ATOH8: variants seen among roughly 807,000 people sequenced by gnomAD.
ATOH8 encodes the protein transcription factor ATOH8.
In ATOH8, 9 loss-of-function variants were observed where a neutral mutation model predicts 21.2. The ratio of observed to expected loss-of-function variants is 0.42; its 90% CI spans 0.26 to 0.74. The LOEUF (loss-of-function observed/expected upper bound fraction) is 0.74, where lower values mean the gene tolerates loss of function less well. ATOH8 is among the 30% of genes least tolerant of loss of function. ATOH8 has a pLI of 0.24. For synonymous variants in ATOH8, 253 were observed against 224.0 expected (o/e 1.13, Z -1.16); for missense variants, 524 against 470.9 (o/e 1.11, Z -1.04).
chr2:85,754,340 G>A lies in ATOH8; in HGVS notation c.151G>A (p.Glu51Lys), dbSNP rs1337457724. 5.0e-6 allele frequency: 8 copies of A among 1,608,138 alleles called. 1 individual carries two copies. The highest frequency in any genetic ancestry group is 5.1e-6 in the Non-Finnish European group (6 of 1,178,134). ...TTTCCGACTGGACTTGGAAGCGCCC[G>A]AGCCCCGCGCCGTAGCCACCAACGG... is the stretch of plus-strand genomic sequence containing the variant. Reference protein sequence around the residue: ...KTFRLDLEAPEPRAVATNGLR... With the variant: ...KTFRLDLEAPKPRAVATNGLR... Residue 51 changes from glutamate to lysine, a missense_variant, in exon 1 of 3, where the codon GAG (glutamate) becomes AAG (lysine). Physicochemically the swap from Glu to Lys is moderately conservative, Grantham distance 56. Transcript: ENST00000306279.
intron 1 of ATOH8, among the ~76,000 whole-genome samples, chr2:85,762,517 T>C (rs1041513299): frequency 4.6e-5 from 7 of 152,028 alleles, no homozygotes; most frequent in African/African-American, 7.2e-5. Context: ...CCACAGTTCA[T>C]AGGGAGACTG....
chr2:85,780,274 C>T (rs2104532386), intron 2 of ATOH8: 1 of 152,404 alleles, frequency 6.6e-6, no homozygotes, highest in South Asian at 2.1e-4. Context: ...ACCTGGGACC[C>T]AGCACCACCT....
intron 2 of ATOH8, among the ~76,000 whole-genome samples, chr2:85,768,108 G>A (rs1203078907): frequency 1.3e-5 from 2 of 152,194 alleles, no homozygotes; most frequent in Non-Finnish European, 2.9e-5. Context: ...GTTTCTCTGT[G>A]AGGCCCCTCC....
Position 85,766,251 on chromosome 2 carries a change from T to C in ATOH8, c.960+2069T>C, listed in dbSNP as rs1680012985. 6.6e-6 allele frequency among the ~76,000 whole-genome samples: 1 copy of C among 152,068 alleles called. No homozygotes were observed. Among genetic ancestry groups the C allele is most frequent in the Admixed American group, 6.5e-5 (1 of 15,272 alleles). Reference sequence around the variant, plus strand: ...GCTTATCCTATGGGGCTTACTTATGTGGTGAAATTGCCCTGGAGAGGGATT... The same window carrying C: ...GCTTATCCTATGGGGCTTACTTATGCGGTGAAATTGCCCTGGAGAGGGATT... On this transcript the variant is annotated intron_variant, in intron 2 of 2. Transcript: ENST00000306279. This position sits in a 1 kb window ranked among gnomAD's most constrained non-coding sequence, Gnocchi z 4.0.
intron 2 of ATOH8, among the ~76,000 whole-genome samples, chr2:85,770,837 C>T (rs1039834998): frequency 6.6e-6 from 1 of 152,148 alleles, no homozygotes; most frequent in Non-Finnish European, 1.5e-5. Context: ...CCTCAACATG[C>T]GCTCCCAGAC....
chr2:85,759,946 G>A (rs896222663), intron 1 of ATOH8, among the ~76,000 whole-genome samples: 3 of 152,116 alleles, frequency 2.0e-5, no homozygotes, highest in African/African-American at 7.2e-5. Context: ...TTGCTCCTGC[G>A]ATCTCATTCT....
chr2:85,761,950 C>T (rs987221348), intron 1 of ATOH8, among the ~76,000 whole-genome samples: 1 of 152,158 alleles, frequency 6.6e-6, no homozygotes, highest in African/African-American at 2.4e-5. Flanking sequence ...TGCATGGGAG[C>T]TGGCTTTCTC....
chr2:85,767,001 G>A (rs749286404), intron 2 of ATOH8, among the ~76,000 whole-genome samples: 1 of 152,138 alleles, frequency 6.6e-6, no homozygotes, highest in African/African-American at 2.4e-5. Context: ...CCCAGGGGAG[G>A]GTACTTCCCT....
At chr2:85,773,290 C>T (rs1336368516) in intron 2 of ATOH8, 1 of 162,934 alleles carries the variant, frequency 6.1e-6, no homozygotes, top group Non-Finnish European at 1.3e-5. Flanking sequence ...TTTTTAAGAA[C>T]TGGCTGCTGC....
chr2:85,765,993 GC>G (rs570823046), intron 2 of ATOH8, among the ~76,000 whole-genome samples: 126 of 152,278 alleles, frequency 8.3e-4, no homozygotes, highest in African/African-American at 2.9e-3. Flanking sequence ...GCATAGCACA[GC>G]CCCGAGTTCA....
chr2:85,776,906 C>T (rs1464419343), intron 2 of ATOH8, among the ~76,000 whole-genome samples: 2 of 152,150 alleles, frequency 1.3e-5, no homozygotes, highest in African/African-American at 2.4e-5. Context: ...CCTCCCGCCT[C>T]GCTTTCCTGC....
At chr2:85,763,130 G>C (rs1679912323) in intron 1 of ATOH8, among the ~76,000 whole-genome samples, 1 of 152,128 alleles carries the variant, frequency 6.6e-6, no homozygotes, top group African/African-American at 2.4e-5. Context: ...GGGTCTATTA[G>C]CACCTATCAG....
intron 1 of ATOH8, among the ~76,000 whole-genome samples, chr2:85,763,087 C>A (rs775721499): frequency 3.9e-5 from 6 of 152,124 alleles, no homozygotes; most frequent in Non-Finnish European, 8.8e-5. Context: ...GATTGTTAGC[C>A]CTTTAGGTGA....
At chr2:85,781,013 C>T in intron 2 of ATOH8, 1 of 988,018 alleles carries the variant, frequency 1.0e-6, no homozygotes, top group South Asian at 4.7e-5. Context: ...CGCCTGTGCC[C>T]AGAATAACCT....
chr2:85,790,687 T>C lies in ATOH8; in HGVS notation c.*3797T>C, dbSNP rs968773819. Among the ~76,000 whole-genome samples the C allele has an allele frequency of 6.6e-6, 1 of 152,210 alleles. No individual in the cohort carries two copies. The highest frequency in any genetic ancestry group is 1.5e-5 in the Non-Finnish European group (1 of 68,052). ...CCCAGGGGCTGGGAACTGGGTAGCA[T>C]TGCCATGTGCAGGGACTGTGTTGGG... is the stretch of plus-strand genomic sequence containing the variant. On this transcript the variant is annotated 3_prime_UTR_variant, in exon 3 of 3. Coordinates refer to ENST00000306279, the MANE Select transcript of ATOH8 (RefSeq NM_032827.7).
At position 85,791,011 on chromosome 2, in the gene ATOH8, A is replaced by C. The variant is rs1320712776; in HGVS notation, c.*4121A>C. Reference sequence around the variant, plus strand: ...GCTCTCTTGCTGCCCTGCCACCTTCACAGCTGCTTTCTGTTTCCTGGTTCC... The same window carrying C: ...GCTCTCTTGCTGCCCTGCCACCTTCCCAGCTGCTTTCTGTTTCCTGGTTCC... On this transcript the variant is annotated 3_prime_UTR_variant, in exon 3 of 3. Coordinates refer to ENST00000306279, the MANE Select transcript of ATOH8 (RefSeq NM_032827.7). Among the ~76,000 whole-genome samples the C allele has an allele frequency of 6.6e-6, 1 of 152,138 alleles. No individual in the cohort carries two copies. Among genetic ancestry groups the C allele is most frequent in the African/African-American group, 2.4e-5 (1 of 41,424 alleles).
In ATOH8 at chr2:85,789,026, C is replaced by A. The variant is rs1297327760; in HGVS notation, c.*2136C>A. ...AGCACTGCTCTGTTGTCCCTCGGAGCCTCTGAGTAACCCTGATGGCACTTC... is the reference window on the plus strand; with the variant it reads ...AGCACTGCTCTGTTGTCCCTCGGAGACTCTGAGTAACCCTGATGGCACTTC... On this transcript the variant is annotated 3_prime_UTR_variant, in exon 3 of 3. Coordinates refer to ENST00000306279, the MANE Select transcript of ATOH8 (RefSeq NM_032827.7). Among the ~76,000 whole-genome samples the A allele has an allele frequency of 1.3e-5, 2 of 152,166 alleles. No individual in the cohort carries two copies. The highest frequency in any genetic ancestry group is 4.8e-5 in the African/African-American group (2 of 41,430).
chr2:85,757,590 G>A (rs182668267), intron 1 of ATOH8, among the ~76,000 whole-genome samples: 24 of 152,226 alleles, frequency 1.6e-4, no homozygotes, highest in Non-Finnish European at 2.8e-4. Context: ...CACTGATCTG[G>A]GAAACTGGAG....
chr2:85,758,382 G>C (rs1298782735), intron 1 of ATOH8, among the ~76,000 whole-genome samples: 1 of 152,204 alleles, frequency 6.6e-6, no homozygotes, highest in Non-Finnish European at 1.5e-5. Context: ...TGTGGGTTTT[G>C]TGCTACATGC....
Sources: gnomAD v4.1 joint callset for allele counts (sites outside exome capture counted in the v4.1 genomes callset) on GRCh38, gnomAD v4.1.1 for gene constraint, Gnocchi (gnomAD v3.1) non-coding constraint, MANE v1.5 for transcripts, NCBI Gene and HGNC (gene_info 2026-07-23, HGNC 2026-07-21) for gene names.